Variants in TTI1 observed in about 807,000 individuals in gnomAD.
TTI1 encodes TELO2 interacting protein 1.
Under a neutral mutation model 85.4 loss-of-function variants are expected in TTI1, and 52 were observed. The ratio of observed to expected loss-of-function variants is 0.61; its 90% confidence interval spans 0.49 to 0.77. The LOEUF (loss-of-function observed/expected upper bound fraction) is 0.77, where lower values mean the gene tolerates loss of function less well. Ranked by LOEUF, TTI1 falls within the 30% of genes least tolerant of loss-of-function variation. TTI1 has a pLI of 0.00. For synonymous variants in TTI1, 512 were observed against 503.9 expected (o/e 1.02, Z -0.22); for missense variants, 1,173 against 1,296.0 (o/e 0.91, Z 1.46).
At chr20:38,014,315 T>C (rs1377790751) in intron 1 of TTI1, among the ~76,000 whole-genome samples, 1 of 152,214 alleles carries the variant, frequency 6.6e-6, no homozygotes, top group South Asian at 2.1e-4. Flanking sequence ...TGTGTTTGTA[T>C]AGAACAATGT....
Position 37,999,168 on chromosome 20 carries a change from G to A in TTI1, c.2793+20C>T. On this transcript the variant is annotated intron_variant, in intron 5 of 7. Coordinates refer to ENST00000373447, the MANE Select transcript of TTI1 (RefSeq NM_001303457.2). Reference sequence around the variant, plus strand: ...TAACTCTACCCTCACAACAGACCATGGGGGATGCTGGTGCAGTACCTTGAA... The same window carrying A: ...TAACTCTACCCTCACAACAGACCATAGGGGATGCTGGTGCAGTACCTTGAA... 2 of 1,390,900 alleles carry A rather than the reference G, an allele frequency of 1.4e-6. No homozygotes were observed. The highest frequency in any genetic ancestry group is 4.0e-4 in the Middle Eastern group (2 of 5,052). The allele number at this position is 1,390,900 out of a possible 1,614,324, so 86.2% of individuals were successfully genotyped here. A position where few individuals can be genotyped will look rare whatever the true frequency, so the allele number is the denominator to read the frequency against.
intron 4 of TTI1, 50 bp from the exon 5 acceptor site, chr20:37,999,378 C>T: frequency 7.5e-7 from 1 of 1,339,062 alleles, no homozygotes; most frequent in Non-Finnish European, 9.7e-7. Context: ...AAACAGATAC[C>T]TGGGATCAAG....
intron 3 of TTI1, among the ~76,000 whole-genome samples, chr20:38,003,151 G>A (rs1353898563): frequency 1.3e-5 from 2 of 152,110 alleles, no homozygotes; most frequent in African/African-American, 4.8e-5. Context: ...TTGTAGAAAT[G>A]GGGGTCTCAC....
chr20:38,013,233 T>TC lies in TTI1; in HGVS notation c.583dup (p.Asp195GlyfsTer2). 6.2e-7 allele frequency: 1 copy of TC among 1,614,032 alleles called. No individual in the cohort carries two copies. The highest frequency in any genetic ancestry group is 8.5e-7 in the Non-Finnish European group (1 of 1,180,014). ...CCCCAGCTGCTTTTGTTCAAGTTCA[T>TC]CCAATGACCTTGGATGGTCCTGACA... On this transcript the variant is annotated frameshift_variant, in exon 2 of 8. Transcript: ENST00000373447. LOFTEE classifies it high-confidence loss of function.
chr20:38,026,595 T>G (rs1394399802), intron 1 of TTI1, among the ~76,000 whole-genome samples: 1 of 152,016 alleles, frequency 6.6e-6, no homozygotes, highest in Non-Finnish European at 1.5e-5. Context: ...GCATCAGGAA[T>G]GAAGTGGAAA....
At chr20:38,006,104 T>C in intron 3 of TTI1, 93 bp downstream of exon 3, 2 of 1,450,206 alleles carry the variant, frequency 1.4e-6, no homozygotes, top group Non-Finnish European at 1.9e-6. Context: ...GTAACTTTTC[T>C]TATTTCTACC....
chr20:38,009,594 C>T (rs953403682), intron 2 of TTI1, among the ~76,000 whole-genome samples: 1 of 151,982 alleles, frequency 6.6e-6, no homozygotes, highest in Non-Finnish European at 1.5e-5. Flanking sequence ...CAGCCCTGAC[C>T]TCCCTGGGCT....
intron 7 of TTI1, chr20:37,987,511 C>T (rs746286816): frequency 3.2e-5 from 12 of 372,770 alleles, no homozygotes; most frequent in Non-Finnish European, 5.3e-5. Context: ...TTCTCCTCCC[C>T]CCAGGCCCAA....
intron 7 of TTI1, among the ~76,000 whole-genome samples, chr20:37,990,605 C>G (rs2073249585): frequency 6.6e-6 from 1 of 152,200 alleles, no homozygotes; most frequent in Admixed American, 6.5e-5. Context: ...TAGAGATCAT[C>G]TCCCTGGCTA....
At chr20:37,988,659 GC>G (rs1239350959) in intron 7 of TTI1, among the ~76,000 whole-genome samples, 3 of 152,208 alleles carry the variant, frequency 2.0e-5, no homozygotes. Context: ...AGAACATGTG[GC>G]TTTGTGATCT....
intron 7 of TTI1, among the ~76,000 whole-genome samples, chr20:37,992,051 G>A (rs889595401): frequency 6.6e-6 from 1 of 152,182 alleles, no homozygotes; most frequent in African/African-American, 2.4e-5. Flanking sequence ...GCGAGGCAGA[G>A]GGAGCTGGAA....
chr20:38,009,123 G>A (rs1050255927), intron 2 of TTI1, among the ~76,000 whole-genome samples: 3 of 152,132 alleles, frequency 2.0e-5, no homozygotes, highest in African/African-American at 7.2e-5. Context: ...ATTTCACAGG[G>A]CTTTTCTTAA....
intron 3 of TTI1, among the ~76,000 whole-genome samples, chr20:38,004,199 A>AGT (rs1289004333): frequency 6.6e-6 from 1 of 152,210 alleles, no homozygotes; most frequent in African/African-American, 2.4e-5. Context: ...GATAGATGTA[A>AGT]GTTTGTAAAC....
chr20:37,992,518 T>C (rs2073279500), intron 7 of TTI1, among the ~76,000 whole-genome samples: 1 of 152,120 alleles, frequency 6.6e-6, no homozygotes, highest in African/African-American at 2.4e-5. Context: ...CCCAGGTGAT[T>C]CTCCCACCTC....
At chr20:37,999,554 A>G (rs1191390116) in intron 4 of TTI1, among the ~76,000 whole-genome samples, 1 of 152,228 alleles carries the variant, frequency 6.6e-6, no homozygotes, top group Non-Finnish European at 1.5e-5. Context: ...AAAGACCTTA[A>G]TTAGATAACG....
chr20:38,001,388 A>G (rs1335199585), intron 4 of TTI1, among the ~76,000 whole-genome samples: 2 of 152,156 alleles, frequency 1.3e-5, no homozygotes, highest in African/African-American at 4.8e-5. Flanking sequence ...TGTAGGTCTG[A>G]CTCCAACACT....
intron 1 of TTI1, among the ~76,000 whole-genome samples, chr20:38,029,678 G>C (rs1001094095): frequency 4.6e-5 from 7 of 152,106 alleles, no homozygotes; most frequent in Non-Finnish European, 1.0e-4. Flanking sequence ...AGACATCAAA[G>C]GGTAATATGG....
chr20:37,996,545 G>A (rs1391009063), intron 6 of TTI1, 83 bp from the exon 7 acceptor site: 35 of 1,518,708 alleles, frequency 2.3e-5, no homozygotes, highest in Non-Finnish European at 3.0e-5. Flanking sequence ...TGGAGAAACT[G>A]CAACAGCTAG....
chr20:37,996,794 C>A lies in TTI1; in HGVS notation c.2953G>T (p.Ala985Ser), dbSNP rs200176514. 3 of 1,613,714 alleles carry A rather than the reference C, an allele frequency of 1.9e-6. No individual in the cohort carries two copies. Among genetic ancestry groups the A allele is most frequent in the African/African-American group, 2.7e-5 (2 of 75,050 alleles). The change falls in exon 6 of 8, where the codon GCT becomes TCT. Residue 985 changes from alanine to serine, a missense_variant. Physicochemically the swap from Ala to Ser is moderately conservative, Grantham distance 99. Coordinates refer to ENST00000373447, the MANE Select transcript of TTI1 (RefSeq NM_001303457.2). The stretch of plus-strand genomic sequence containing the variant: ...AGGGGGCCCAGGCCCTGTAAGACAG[C>A]CAGCTGCAACTTGAAGGCCAGCGTG... Reference protein sequence around the residue: ...SHTLAFKLQLAVLQGLGPLCE... With the variant: ...SHTLAFKLQLSVLQGLGPLCE...
Sources: allele counts gnomAD v4.1 joint callset (sites outside exome capture counted in the v4.1 genomes callset), GRCh38; gene constraint gnomAD v4.1.1; transcripts MANE v1.5; gene names NCBI Gene and HGNC (gene_info 2026-07-23, HGNC 2026-07-21).